Variants in DLG1 observed in about 807,000 individuals in gnomAD.
The protein encoded by DLG1 is disks large homolog 1.
DLG1 carries 42 observed loss-of-function variants against 123.4 expected under a neutral mutation model. The ratio of observed to expected loss-of-function variants is 0.34; its 90% CI spans 0.27 to 0.44. DLG1 has a LOEUF of 0.44. DLG1 is among the 20% of genes least tolerant of loss of function. The pLI, the probability that DLG1 is intolerant of heterozygous loss-of-function variation, is 1.00. For synonymous variants in DLG1, 317 were observed against 356.2 expected (o/e 0.89, Z 1.24); for missense variants, 942 against 1,082.6 (o/e 0.87, Z 1.82).
At chr3:197,206,512 C>G (rs1728590766) in intron 4 of DLG1, among the ~76,000 whole-genome samples, 1 of 152,040 alleles carries the variant, frequency 6.6e-6, no homozygotes, top group South Asian at 2.1e-4. Flanking sequence ...ATTGCGCAGG[C>G]TGGTCTGGAA....
In DLG1 at chr3:197,090,957, C is replaced by T; in HGVS notation, c.1616G>A (p.Gly539Glu). 6.2e-7 allele frequency: 1 copy of T among 1,611,858 alleles called. No homozygotes were observed. The highest frequency in any genetic ancestry group is 8.5e-7 in the Non-Finnish European group (1 of 1,178,622). ...CTGGCTAGTTCGAAGAGAACCTGAC[C>T]CTGAACTAATACTACTATTCATCAT... ...EQMMNSSISS[G>E]SGSLRTSQKR... Residue 539 changes from glycine to glutamate, a missense_variant, in exon 15 of 25, where the codon GGG becomes GAG. By Grantham distance (98) the Gly-to-Glu change is moderately conservative. Coordinates refer to ENST00000667157, the MANE Select transcript of DLG1 (RefSeq NM_001366207.1).
At chr3:197,285,513 T>C (rs991792244) in intron 3 of DLG1, among the ~76,000 whole-genome samples, 3 of 151,774 alleles carry the variant, frequency 2.0e-5, no homozygotes, top group African/African-American at 7.3e-5. Context: ...GCAAAACACA[T>C]ACCCAATAAA....
intron 5 of DLG1, among the ~76,000 whole-genome samples, chr3:197,186,988 C>T (rs1716441472): frequency 1.3e-5 from 2 of 152,166 alleles, no homozygotes; most frequent in African/African-American, 2.4e-5. Flanking sequence ...GCTAATGTAA[C>T]GTAAATGCAA....
chr3:197,197,904 T>A (rs891259407), intron 4 of DLG1, among the ~76,000 whole-genome samples: 3 of 152,196 alleles, frequency 2.0e-5, no homozygotes, highest in Non-Finnish European at 4.4e-5. Flanking sequence ...TAGTTTTTTT[T>A]AACAAATGAT....
At chr3:197,175,124 C>G (rs941113446) in intron 5 of DLG1, among the ~76,000 whole-genome samples, 1 of 152,122 alleles carries the variant, frequency 6.6e-6, no homozygotes, top group Non-Finnish European at 1.5e-5. Context: ...CCACTGCTCC[C>G]AGGTGGCACT....
chr3:197,246,058 T>C (rs570328797), intron 4 of DLG1, among the ~76,000 whole-genome samples: 1 of 152,302 alleles, frequency 6.6e-6, no homozygotes, highest in East Asian at 1.9e-4. Flanking sequence ...TTAGTATAAA[T>C]AGTTCCTTCT....
intron 5 of DLG1, among the ~76,000 whole-genome samples, chr3:197,158,459 C>CT (rs1332543559): frequency 3.3e-5 from 2 of 61,348 alleles, no homozygotes; most frequent in East Asian, 4.9e-4. Flanking sequence ...CTCGTCTCTA[C>CT]TTAAAAAAAA....
At chr3:197,282,324 C>T (rs1195128447) in intron 4 of DLG1, among the ~76,000 whole-genome samples, 2 of 152,146 alleles carry the variant, frequency 1.3e-5, no homozygotes, top group East Asian at 3.9e-4. Context: ...AAAACTATAT[C>T]CTATTTCTAG....
intron 3 of DLG1, 53 bp from the exon 4 acceptor site, chr3:197,282,898 A>G: frequency 1.8e-6 from 2 of 1,103,972 alleles, no homozygotes; most frequent in Non-Finnish European, 1.3e-6. Flanking sequence ...TAACTAAATT[A>G]TGCAATGCTA....
At chr3:197,096,670 T>C (rs1427158869) in intron 14 of DLG1, among the ~76,000 whole-genome samples, 1 of 152,266 alleles carries the variant, frequency 6.6e-6, no homozygotes, top group Middle Eastern at 3.2e-3. Context: ...TCAAATTTAG[T>C]TTTTAAAACA....
intron 12 of DLG1, among the ~76,000 whole-genome samples, chr3:197,116,423 G>C (rs1244420174): frequency 6.6e-6 from 1 of 152,116 alleles, no homozygotes; most frequent in East Asian, 1.9e-4. Flanking sequence ...TGCCTTCAAA[G>C]CAATCACTGC....
chr3:197,134,689 C>A (rs1784261464), intron 10 of DLG1, among the ~76,000 whole-genome samples: 1 of 152,208 alleles, frequency 6.6e-6, no homozygotes, highest in South Asian at 2.1e-4. Flanking sequence ...CCTCTTCTGG[C>A]TGGGACTGGG....
chr3:197,148,287 G>A (rs962700098), intron 6 of DLG1, among the ~76,000 whole-genome samples: 13 of 144,242 alleles, frequency 9.0e-5, no homozygotes, highest in African/African-American at 2.8e-4. Flanking sequence ...GCACGTGTCC[G>A]TGTTCCCAAC....
intron 4 of DLG1, among the ~76,000 whole-genome samples, chr3:197,253,070 C>T (rs1437317906): frequency 6.6e-6 from 1 of 152,076 alleles, no homozygotes; most frequent in Non-Finnish European, 1.5e-5. Flanking sequence ...ATAAATTGGA[C>T]TTCATCAAAA....
At chr3:197,127,436 AAAAAAAAAAAAAAAAAAAAAAATAT>A (rs1371542429) in intron 11 of DLG1, among the ~76,000 whole-genome samples, 5 of 44,412 alleles carry the variant, frequency 1.1e-4, no homozygotes, top group African/African-American at 3.9e-4. Flanking sequence ...AAAAAAAAAA[AAAAAAAAAAAAAAAAAAAAAAATAT>A]ATATATATAT....
Position 197,178,448 on chromosome 3 carries a change from AAT to A in DLG1, c.483+15975_483+15976del, listed in dbSNP as rs555975195. ...CAATAAAACTAGAAATTCTCTTTTT[AAT>A]ATGTTACCTTTCAGATGCTTAACCG... is the stretch of plus-strand genomic sequence containing the variant. On this transcript the variant is annotated intron_variant, in intron 5 of 24. Transcript: ENST00000667157. Among the ~76,000 whole-genome samples the A allele has an allele frequency of 5.3e-5, 8 of 152,192 alleles. No individual in the cohort carries two copies. The South Asian group carries it at 1.7e-3, about 32-fold the overall frequency.
intron 4 of DLG1, among the ~76,000 whole-genome samples, chr3:197,260,657 C>T (rs142277274): frequency 7.1e-6 from 1 of 140,678 alleles, no homozygotes; most frequent in East Asian, 2.2e-4. Flanking sequence ...AGGAAGTCAT[C>T]TGATGAAATG....
At chr3:197,104,845 A>G (rs1765496453) in intron 14 of DLG1, 58 bp downstream of exon 14, 6 of 1,180,996 alleles carry the variant, frequency 5.1e-6, no homozygotes, top group Non-Finnish European at 7.5e-6. Flanking sequence ...AATATTAAAG[A>G]GGAAGAATTT....
intron 8 of DLG1, 54 bp from the exon 9 acceptor site, chr3:197,138,445 A>G (rs561600527): frequency 9.8e-7 from 1 of 1,015,454 alleles, no homozygotes; most frequent in East Asian, 4.1e-5. Flanking sequence ...TTAAATATAA[A>G]TTTTCCACTT....
Sources: allele counts gnomAD v4.1 joint callset (sites outside exome capture counted in the v4.1 genomes callset), GRCh38; gene constraint gnomAD v4.1.1; transcripts MANE v1.5; gene names NCBI Gene and HGNC (gene_info 2026-07-23, HGNC 2026-07-21).